SERGEF: variants seen among roughly 807,000 people sequenced by gnomAD.
SERGEF encodes secretion regulating guanine nucleotide exchange factor, also known as secretion-regulating guanine nucleotide exchange factor.
Under a neutral mutation model 50.0 loss-of-function variants are expected in SERGEF, and 51 were observed. The ratio of observed to expected loss-of-function variants is 1.02; its 90% confidence interval spans 0.81 to 1.29. The LOEUF (loss-of-function observed/expected upper bound fraction) is 1.29, where lower values mean the gene tolerates loss of function less well. Ranked by LOEUF, SERGEF falls within the 50% of genes most tolerant of loss-of-function variation. SERGEF has a pLI of 0.00. For missense variants in SERGEF, 521 were observed against 557.0 expected (o/e 0.94, Z 0.65); for synonymous variants, 205 against 212.4 (o/e 0.97, Z 0.30).
chr11:17,940,449 T>A (rs1391758253), intron 9 of SERGEF, among the ~76,000 whole-genome samples: 1 of 152,074 alleles, frequency 6.6e-6, no homozygotes, highest in Non-Finnish European at 1.5e-5. Context: ...AACATGTACA[T>A]AACTTATTAT....
intron 9 of SERGEF, among the ~76,000 whole-genome samples, chr11:17,880,116 TC>T: frequency 1.3e-5 from 2 of 152,316 alleles, no homozygotes; most frequent in Middle Eastern, 6.8e-3. Flanking sequence ...GCTTCCCAGA[TC>T]CCAGCTTCCA....
chr11:17,959,345 G>A, intron 9 of SERGEF, 125 bp downstream of exon 9: 2 of 829,422 alleles, frequency 2.4e-6, no homozygotes, highest in Non-Finnish European at 1.9e-6. Flanking sequence ...CTTAGGGCAA[G>A]GACCTCTTCT....
At chr11:17,860,155 A>C (rs150307097) in intron 10 of SERGEF, among the ~76,000 whole-genome samples, 2 of 152,264 alleles carry the variant, frequency 1.3e-5, no homozygotes, top group African/African-American at 2.4e-5. Context: ...CCATGTTGCA[A>C]AGCGTGTAAG....
intron 9 of SERGEF, among the ~76,000 whole-genome samples, chr11:17,951,891 T>C (rs1240113267): frequency 6.6e-6 from 1 of 152,150 alleles, no homozygotes; most frequent in Non-Finnish European, 1.5e-5. Context: ...CCTTCTCCCA[T>C]TTCCAGGCAG....
At chr11:17,856,111 C>G (rs1434155366) in intron 10 of SERGEF, 1 of 152,228 alleles carries the variant, frequency 6.6e-6, no homozygotes, top group East Asian at 1.9e-4. Flanking sequence ...AATTTCCTCT[C>G]TAGGCCTCTT....
rs567818893 is a variant in SERGEF, at chr11:17,815,530, G to A, written c.1049-27117C>T. On this transcript the variant is annotated intron_variant, in intron 10 of 10. Transcript: ENST00000265965. ...CTCCAGAGGCTGAGGCAGAAGAATC[G>A]CTTGAACTCAGGAGGCGGAAGTTGC... is the stretch of plus-strand genomic sequence containing the variant. 4.0e-5 allele frequency among the ~76,000 whole-genome samples: 6 copies of A among 151,456 alleles called. No individual in the cohort carries two copies. In the South Asian group the frequency reaches 1.0e-3, roughly 26 times the overall value.
rs201763172 is a variant in SERGEF at position 18,007,240 on chromosome 11, C to A, written c.197-494G>T. The stretch of plus-strand genomic sequence containing the variant: ...ATTAATATCCATCTTTATACCAACA[C>A]AGTTGTAAAATATAATTTTTTTCTT... On this transcript the variant is annotated intron_variant, in intron 2 of 10. Transcript: ENST00000265965. Among the ~76,000 whole-genome samples the A allele has an allele frequency of 7.9e-5, 12 of 152,262 alleles. No individual in the cohort carries two copies. In the East Asian group the frequency reaches 2.1e-3, roughly 27 times the overall value.
At chr11:17,959,734 T>C in intron 8 of SERGEF, 98 bp from the exon 9 acceptor site, 2 of 1,052,576 alleles carry the variant, frequency 1.9e-6, no homozygotes, top group Non-Finnish European at 2.7e-6. Flanking sequence ...TTTATTTTAG[T>C]ACCACCTACC....
chr11:17,974,721 A>G (rs1268392347), intron 8 of SERGEF, among the ~76,000 whole-genome samples: 7 of 152,114 alleles, frequency 4.6e-5, no homozygotes, highest in Admixed American at 3.9e-4. Flanking sequence ...TGTTTCCTCA[A>G]ATTTCAAATA....
At chr11:17,878,813 T>G (rs989043374) in intron 9 of SERGEF, among the ~76,000 whole-genome samples, 5 of 152,190 alleles carry the variant, frequency 3.3e-5, no homozygotes, top group Non-Finnish European at 7.3e-5. Context: ...ACATGCCTCT[T>G]CCTCTACCCA....
chr11:17,934,504 C>G (rs1437752138), intron 9 of SERGEF, among the ~76,000 whole-genome samples: 1 of 152,216 alleles, frequency 6.6e-6, no homozygotes, highest in Non-Finnish European at 1.5e-5. Flanking sequence ...CAACTCTCCT[C>G]TAGGTCAGAC....
intron 10 of SERGEF, among the ~76,000 whole-genome samples, chr11:17,798,333 CT>C (rs1849604143): frequency 6.6e-6 from 1 of 152,258 alleles, no homozygotes; most frequent in African/African-American, 2.4e-5. Flanking sequence ...CAACCACCCC[CT>C]GGCATCACTG....
intron 10 of SERGEF, among the ~76,000 whole-genome samples, chr11:17,870,181 CCTGACGCCTCCCCAGCCACA>C (rs1204158302): frequency 6.6e-6 from 1 of 152,206 alleles, no homozygotes; most frequent in African/African-American, 2.4e-5. Context: ...TTGTAAGTTT[CCTGACGCCTCCCCAGCCACA>C]CTGAACTGTG....
At chr11:17,960,142 CATAAAGGG>C (rs1261996855) in intron 8 of SERGEF, among the ~76,000 whole-genome samples, 4 of 152,054 alleles carry the variant, frequency 2.6e-5, no homozygotes, top group African/African-American at 9.7e-5. Flanking sequence ...CTCCTTGTAA[CATAAAGGG>C]ACCTTTCAGA....
chr11:17,788,488 G>A, intron 10 of SERGEF, 75 bp from the exon 11 acceptor site: 1 of 1,289,386 alleles, frequency 7.8e-7, no homozygotes, highest in Non-Finnish European at 1.1e-6. Flanking sequence ...TGAGGGTACA[G>A]GTATCATCAT....
intron 9 of SERGEF, among the ~76,000 whole-genome samples, chr11:17,954,575 T>C (rs1260274819): frequency 1.3e-5 from 2 of 152,350 alleles, no homozygotes; most frequent in East Asian, 1.9e-4. Context: ...GTTGATCCTT[T>C]AGCAGTTTTA....
chr11:17,995,746 C>G, intron 6 of SERGEF, 50 bp downstream of exon 6: 1 of 1,277,774 alleles, frequency 7.8e-7, no homozygotes, highest in Non-Finnish European at 1.1e-6. Context: ...GTTTATGTCT[C>G]TACTTCCTGA....
At chr11:17,934,977 G>A (rs1181883801) in intron 9 of SERGEF, among the ~76,000 whole-genome samples, 1 of 151,926 alleles carries the variant, frequency 6.6e-6, no homozygotes, top group Non-Finnish European at 1.5e-5. Flanking sequence ...CTCAAACTAA[G>A]TCCTATAGGG....
intron 5 of SERGEF, chr11:17,999,683 C>T (rs965493901): frequency 5.2e-5 from 21 of 403,042 alleles, no homozygotes; most frequent in African/African-American, 4.4e-4. Flanking sequence ...ACTGTCAGTC[C>T]CATCACCCAC....
Sources: gnomAD v4.1 joint callset for allele counts (sites outside exome capture counted in the v4.1 genomes callset) on GRCh38, gnomAD v4.1.1 for gene constraint, MANE v1.5 for transcripts, NCBI Gene and HGNC (gene_info 2026-07-23, HGNC 2026-07-21) for gene names.